Variants in DEFB108B observed in about 807,000 individuals in gnomAD.
DEFB108B encodes the protein defensin beta 108B.
DEFB108B carries 3 observed loss-of-function variants against 2.4 expected under a neutral mutation model. The observed-to-expected ratio is 1.25, with a 90% CI of 0.57 to 3.24. The LOEUF (loss-of-function observed/expected upper bound fraction) is 3.24. DEFB108B is among the 30% of genes most tolerant of loss of function. The pLI, the probability that DEFB108B is intolerant of heterozygous loss-of-function variation, is 0.03. For synonymous variants in DEFB108B, 25 were observed against 28.7 expected, an observed-to-expected ratio of 0.87 and a Z score of 0.41; for missense variants, 101 against 87.8, an observed-to-expected ratio of 1.15 and a Z score of -0.60.
At chr11:71,833,577 T>C (rs1952194565) in intron 1 of DEFB108B, among the ~76,000 whole-genome samples, 1 of 152,230 alleles carries the variant, frequency 6.6e-6, no homozygotes, top group Non-Finnish European at 1.5e-5. Context: ...GCTCCTCTAG[T>C]TTCCTTCAGC....
chr11:71,837,370 T>C, intron 1 of DEFB108B, 29 bp from the exon 2 acceptor site: 1 of 1,610,320 alleles, frequency 6.2e-7, no homozygotes, highest in Non-Finnish European at 8.5e-7. Context: ...GACTGGTGAA[T>C]GGTTACAATA....
chr11:71,833,269 A>T lies in DEFB108B; in HGVS notation c.58+12A>T. ...CCAAGTTCTACCAGGTAACAAAATAAACTTGGTAAGAGTAGAGTGCCTAAC... is the reference window on the plus strand; with the variant it reads ...CCAAGTTCTACCAGGTAACAAAATATACTTGGTAAGAGTAGAGTGCCTAAC... On this transcript the variant is annotated intron_variant, in intron 1 of 1. Transcript: ENST00000328698. 3 of 1,547,062 alleles carry T rather than the reference A, an allele frequency of 1.9e-6. No individual in the cohort carries two copies. The highest frequency in any genetic ancestry group is 1.4e-5 in the African/African-American group (1 of 73,496).
At chr11:71,833,324 A>T in intron 1 of DEFB108B, 67 bp downstream of exon 1, 1 of 1,584,512 alleles carries the variant, frequency 6.3e-7, no homozygotes, top group Non-Finnish European at 8.6e-7. Context: ...CTCAAAGAGA[A>T]ATCACCATCA....
Position 71,837,393 on chromosome 11 carries a change from A to T in DEFB108B, c.59-6A>T. On this transcript the variant is annotated splice_polypyrimidine_tract_variant and splice_region_variant and intron_variant, in intron 1 of 1. Coordinates refer to ENST00000328698, the MANE Select transcript of DEFB108B (RefSeq NM_001002035.2). The stretch of plus-strand genomic sequence containing the variant: ...AATGGTTACAATAACCCTCTTCTTC[A>T]TGTAGCCAGGGGCAAATTCAAGGAG... 3 of 1,611,718 alleles carry T rather than the reference A, an allele frequency of 1.9e-6. No homozygotes were observed. The highest frequency in any genetic ancestry group is 2.5e-6 in the Non-Finnish European group (3 of 1,179,608).
Position 71,837,478 on chromosome 11 carries a change from T to C in DEFB108B, c.138T>C (p.Val46=), listed in dbSNP as rs751125854. 3.2e-5 allele frequency: 51 copies of C among 1,611,836 alleles called. No individual in the cohort carries two copies. The highest frequency in any genetic ancestry group is 6.7e-5 in the Admixed American group (4 of 59,988). Residue 46 remains valine (V), a synonymous_variant, in exon 2 of 2, where the codon GTT becomes GTC. Coordinates refer to ENST00000328698, the MANE Select transcript of DEFB108B (RefSeq NM_001002035.2). ...RDFCLETEIH[V]GRCLNSQPCC... Reference sequence around the variant, plus strand: ...TTTGCCTTGAAACAGAAATCCATGTTGGGAGATGTTTAAATAGCCAACCCT... The same window carrying C: ...TTTGCCTTGAAACAGAAATCCATGTCGGGAGATGTTTAAATAGCCAACCCT...
At chr11:71,835,202 G>T (rs1206974082) in intron 1 of DEFB108B, among the ~76,000 whole-genome samples, 1 of 152,120 alleles carries the variant, frequency 6.6e-6, no homozygotes, top group African/African-American at 2.4e-5. Flanking sequence ...CGCAGGTAGG[G>T]TGTACCTAAA....
rs1022738820 is a variant in DEFB108B, at chr11:71,837,667, T to C, written c.*105T>C. On this transcript the variant is annotated 3_prime_UTR_variant, in exon 2 of 2. Transcript: ENST00000328698. The stretch of plus-strand genomic sequence containing the variant: ...TCCATTTTTCTCACAGGGATTTTTA[T>C]TGAATCCTCAAAAAAGAATAAACCA... The C allele has an allele frequency of 6.4e-6, 9 of 1,415,556 alleles. No individual in the cohort carries two copies. The highest frequency in any genetic ancestry group is 8.6e-6 in the Non-Finnish European group (9 of 1,051,264). 87.7% of individuals were successfully genotyped at this position (1,415,556 alleles called of 1,614,324 possible). A position where few individuals can be genotyped will look rare whatever the true frequency, so the allele number is the denominator to read the frequency against.
rs573622557 is a variant in DEFB108B, at chr11:71,833,344, A to G, written c.58+87A>G. 58 of 1,563,960 alleles carry G rather than the reference A, an allele frequency of 3.7e-5. No individual in the cohort carries two copies. The South Asian group carries it at 6.5e-4, about 18-fold the overall frequency. ...AGAGAAATCACCATCACCTATAACC[A>G]GAAAAGGGGGTCTCATAGGAAATCT... On this transcript the variant is annotated intron_variant, in intron 1 of 1. Coordinates refer to ENST00000328698, the MANE Select transcript of DEFB108B (RefSeq NM_001002035.2).
intron 1 of DEFB108B, chr11:71,834,960 CA>C (rs1266759670): frequency 6.6e-6 from 1 of 152,194 alleles, no homozygotes; most frequent in Non-Finnish European, 1.5e-5. Flanking sequence ...ATATGCAATA[CA>C]CAAGGTTTAC....
chr11:71,836,745 A>C (rs1187045874), intron 1 of DEFB108B, among the ~76,000 whole-genome samples: 1 of 152,210 alleles, frequency 6.6e-6, no homozygotes, highest in Non-Finnish European at 1.5e-5. Context: ...CGTGCCAGAG[A>C]TATAAGTAGT....
chr11:71,837,404 G>C lies in DEFB108B; in HGVS notation c.64G>C (p.Gly22Arg), dbSNP rs1258861672. The C allele has an allele frequency of 4.3e-6, 7 of 1,611,656 alleles. No individual in the cohort carries two copies. In the South Asian group the frequency reaches 6.6e-5, roughly 15 times the overall value. ...FFMSQVLPARGKFKEICERPN... is the reference protein window; with the variant it reads ...FFMSQVLPARRKFKEICERPN... ...TAACCCTCTTCTTCATGTAGCCAGGGGCAAATTCAAGGAGATCTGTGAACG... is the reference window on the plus strand; with the variant it reads ...TAACCCTCTTCTTCATGTAGCCAGGCGCAAATTCAAGGAGATCTGTGAACG... The change falls in exon 2 of 2, where the codon GGC becomes CGC. Residue 22 changes from glycine to arginine, a missense_variant. Gly to Arg is a moderately radical substitution (Grantham distance 125, BLOSUM62 -2). Transcript: ENST00000328698.
Position 71,835,381 on chromosome 11 carries a change from C to T in DEFB108B, c.59-2018C>T, listed in dbSNP as rs565159925. ...GAGATAATTTGCTTAGAATAAAGTCCTCCAGCTGCATCCATGTTACTGAAA... is the reference window on the plus strand; with the variant it reads ...GAGATAATTTGCTTAGAATAAAGTCTTCCAGCTGCATCCATGTTACTGAAA... On this transcript the variant is annotated intron_variant, in intron 1 of 1. Transcript: ENST00000328698. Among the ~76,000 whole-genome samples, 5 of 152,230 alleles carry T rather than the reference C, an allele frequency of 3.3e-5. No individual in the cohort carries two copies. The East Asian group carries it at 5.8e-4, about 18-fold the overall frequency.
chr11:71,835,138 G>C (rs759571314), intron 1 of DEFB108B, among the ~76,000 whole-genome samples: 2 of 152,108 alleles, frequency 1.3e-5, no homozygotes, highest in Non-Finnish European at 2.9e-5. Context: ...GTGCAGATTT[G>C]TTACATGGGT....
rs935891089 is a variant in DEFB108B, at chr11:71,837,178, T to C, written c.59-221T>C. The C allele has an allele frequency of 1.6e-5, 9 of 575,472 alleles. No individual in the cohort carries two copies. In the Admixed American group the frequency reaches 2.0e-4, roughly 13 times the overall value. The allele number at this position is 575,472 out of a possible 1,614,324, so 35.6% of individuals were successfully genotyped here. A position where few individuals can be genotyped will look rare whatever the true frequency, so the allele number is the denominator to read the frequency against. On this transcript the variant is annotated intron_variant, in intron 1 of 1. Coordinates refer to ENST00000328698, the MANE Select transcript of DEFB108B (RefSeq NM_001002035.2). Reference sequence around the variant, plus strand: ...CACCTCCAGCCTTTTGTCATGTAGGTGCACCCAATATTCTCAGATTTTTCA... The same window carrying C: ...CACCTCCAGCCTTTTGTCATGTAGGCGCACCCAATATTCTCAGATTTTTCA...
rs11235192 is a variant in DEFB108B at position 71,833,223 on chromosome 11, C to G, written c.24C>G (p.Phe8Leu). Residue 8 changes from phenylalanine (F) to leucine (L), a missense_variant, in exon 1 of 2, where the codon TTC becomes TTG. Phe to Leu is a conservative substitution (Grantham distance 22). Coordinates refer to ENST00000328698, the MANE Select transcript of DEFB108B (RefSeq NM_001002035.2). The part of the protein sequence containing the change: MRIAVLL[F>L]AIFFFMSQVL... ...CCATGAGGATTGCTGTCCTCCTCTT[C>G]GCCATTTTCTTCTTTATGAGCCAAG... is the stretch of plus-strand genomic sequence containing the variant. 1.3e-6 allele frequency: 2 copies of G among 1,599,976 alleles called. No individual in the cohort carries two copies. The highest frequency in any genetic ancestry group is 1.7e-6 in the Non-Finnish European group (2 of 1,171,666).
intron 1 of DEFB108B, among the ~76,000 whole-genome samples, chr11:71,835,102 C>G (rs540235620): frequency 6.6e-6 from 1 of 152,158 alleles, no homozygotes; most frequent in South Asian, 2.1e-4. Flanking sequence ...TAATTTCAAC[C>G]TTTATTTTAG....
rs777703579 is a variant in DEFB108B at position 71,837,505 on chromosome 11, C to T, written c.165C>T (p.Cys55=). ...HVGRCLNSQP[C]CLPLGHQPRI... ...GGAGATGTTTAAATAGCCAACCCTG[C>T]TGCCTGCCTCTGGGGCATCAACCAA... Residue 55 remains cysteine (C), a synonymous_variant, in exon 2 of 2, where the codon TGC becomes TGT. Transcript: ENST00000328698. The T allele has an allele frequency of 3.7e-6, 6 of 1,611,958 alleles. No homozygotes were observed. The East Asian group carries it at 1.3e-4, about 36-fold the overall frequency.
At chr11:71,836,031 T>C (rs1952214313) in intron 1 of DEFB108B, among the ~76,000 whole-genome samples, 1 of 152,182 alleles carries the variant, frequency 6.6e-6, no homozygotes, top group Admixed American at 6.5e-5. Flanking sequence ...CTCTACACTA[T>C]ACTAATCTCT....
At chr11:71,836,353 G>C (rs1377926690) in intron 1 of DEFB108B, among the ~76,000 whole-genome samples, 1 of 152,118 alleles carries the variant, frequency 6.6e-6, no homozygotes, top group African/African-American at 2.4e-5. Flanking sequence ...TAATGCATTT[G>C]GATTTCAGTT....
Sources: allele counts gnomAD v4.1 joint callset (sites outside exome capture counted in the v4.1 genomes callset), GRCh38; gene constraint gnomAD v4.1.1; transcripts MANE v1.5; gene names NCBI Gene and HGNC (gene_info 2026-07-23, HGNC 2026-07-21).